The following CREBRF variants were observed in gnomAD, a reference collection of about 807,000 sequenced individuals.
The protein encoded by CREBRF is CREB3 regulatory factor.
Under a neutral mutation model 66.1 loss-of-function variants are expected in CREBRF, and 5 were observed. The ratio of observed to expected loss-of-function variants is 0.08; its 90% CI spans 0.04 to 0.16. CREBRF has a LOEUF of 0.16. Among genes scored for constraint, CREBRF ranks in the 10% least tolerant of loss-of-function variants. The probability of loss-of-function intolerance (pLI) is 1.00; values close to 1 mark genes in which losing one functional copy is unlikely to be tolerated. For missense variants in CREBRF, 531 were observed against 744.9 expected (o/e 0.71, Z 3.34); for synonymous variants, 229 against 264.4 (o/e 0.87, Z 1.30).
Position 173,090,773 on chromosome 5 carries a change from A to C in CREBRF, c.594A>C (p.Ser198=). Residue 198 remains serine (S), a synonymous_variant, in exon 4 of 9, where the codon TCA becomes TCC. Transcript: ENST00000296953. This position sits in a 1 kb window ranked among gnomAD's most constrained non-coding sequence, Gnocchi z 4.5. ...CTCTGCAGGCTGAGGTCCCTTTGTCAGACTGTGTCCAAAAAGCAAGTAAAC... is the reference window on the plus strand; with the variant it reads ...CTCTGCAGGCTGAGGTCCCTTTGTCCGACTGTGTCCAAAAAGCAAGTAAAC... ...SKTLQAEVPL[S]DCVQKASKPT... The C allele has an allele frequency of 1.2e-6, 2 of 1,614,178 alleles. No homozygotes were observed.
intron 6 of CREBRF, among the ~76,000 whole-genome samples, 169 bp downstream of exon 6, chr5:173,110,880 T>C (rs1235294714): frequency 6.6e-6 from 1 of 152,240 alleles, no homozygotes; most frequent in Non-Finnish European, 1.5e-5. Flanking sequence ...ATTTTTGTTT[T>C]ATGGAAAAAG....
chr5:173,107,817 ATT>A (rs559120882), intron 4 of CREBRF, among the ~76,000 whole-genome samples: 80 of 121,810 alleles, frequency 6.6e-4, no homozygotes, highest in Admixed American at 6.1e-4. Flanking sequence ...TCTCTACAAA[ATT>A]TTTTTTTTTT....
At chr5:173,110,789 GACA>G in intron 6 of CREBRF, 78 bp downstream of exon 6, 1 of 963,568 alleles carries the variant, frequency 1.0e-6, no homozygotes, top group Non-Finnish European at 1.5e-6. Context: ...TTTATAGAAG[GACA>G]ACAAAGAAAT....
intron 1 of CREBRF, among the ~76,000 whole-genome samples, chr5:173,058,196 A>G (rs1757133879): frequency 6.6e-6 from 1 of 152,180 alleles, no homozygotes; most frequent in South Asian, 2.1e-4. Context: ...ATAATTCGAA[A>G]ATAACTTATT....
chr5:173,132,750 C>A (rs1035434786), intron 8 of CREBRF, among the ~76,000 whole-genome samples: 1 of 149,258 alleles, frequency 6.7e-6, no homozygotes, highest in Non-Finnish European at 1.5e-5. Flanking sequence ...TAGACATGTG[C>A]CACCACACCT....
chr5:173,060,512 TGAGC>T (rs1168443634), intron 1 of CREBRF: 1 of 152,204 alleles, frequency 6.6e-6, no homozygotes, highest in Non-Finnish European at 1.5e-5. Flanking sequence ...ATTACAGGTA[TGAGC>T]CACCGTGCCC....
intron 1 of CREBRF, among the ~76,000 whole-genome samples, chr5:173,061,602 G>T (rs994374385): frequency 1.3e-5 from 2 of 152,192 alleles, no homozygotes; most frequent in Non-Finnish European, 2.9e-5. Flanking sequence ...AAGCTGTATA[G>T]CTGTTTCAAG....
chr5:173,122,965 A>T (rs1759176452), intron 7 of CREBRF, 115 bp from the exon 8 acceptor site: 2 of 927,170 alleles, frequency 2.2e-6, no homozygotes, highest in Non-Finnish European at 3.2e-6. Flanking sequence ...TCCATGGTGT[A>T]TATGTGCCAC....
chr5:173,087,048 G>A (rs953840577), intron 3 of CREBRF, among the ~76,000 whole-genome samples: 1 of 151,346 alleles, frequency 6.6e-6, no homozygotes, highest in Non-Finnish European at 1.5e-5. Context: ...CTGGGTTTAA[G>A]CTATTCTTCT....
At chr5:173,104,354 A>G (rs1453802998) in intron 4 of CREBRF, among the ~76,000 whole-genome samples, 2 of 151,700 alleles carry the variant, frequency 1.3e-5, no homozygotes. Context: ...AATTTTTTTC[A>G]TTCTGTTTGA....
At chr5:173,104,738 AGAGT>A (rs902842971) in intron 4 of CREBRF, among the ~76,000 whole-genome samples, 4 of 150,036 alleles carry the variant, frequency 2.7e-5, no homozygotes, top group African/African-American at 2.5e-5. Context: ...AGAGAGAGAG[AGAGT>A]GTGTGTGTGT....
intron 1 of CREBRF, among the ~76,000 whole-genome samples, chr5:173,063,176 C>T (rs1554122300): frequency 6.6e-6 from 1 of 152,162 alleles, no homozygotes; most frequent in Non-Finnish European, 1.5e-5. Flanking sequence ...CAATTTATGA[C>T]CTTTCCTCCA....
At chr5:173,060,998 A>G (rs907622744) in intron 1 of CREBRF, among the ~76,000 whole-genome samples, 2 of 152,084 alleles carry the variant, frequency 1.3e-5, no homozygotes, top group African/African-American at 4.8e-5. Flanking sequence ...GACAGAGTCT[A>G]GTTCTGTCCC....
At chr5:173,109,508 G>T (rs1171689962) in intron 5 of CREBRF, 1 of 144,902 alleles carries the variant, frequency 6.9e-6, no homozygotes, top group Non-Finnish European at 1.5e-5. Context: ...GTCTTAGGTA[G>T]GTCAAATTTT....
Position 173,090,600 on chromosome 5 carries a change from C to A in CREBRF, c.421C>A (p.Gln141Lys). 6.2e-7 allele frequency: 1 copy of A among 1,614,102 alleles called. No homozygotes were observed. The highest frequency in any genetic ancestry group is 1.1e-5 in the South Asian group (1 of 91,048). The change falls in exon 4 of 9, where the codon CAA (glutamine) becomes AAA (lysine). Residue 141 changes from glutamine (Q) to lysine (K), a missense_variant. Coordinates refer to ENST00000296953, the MANE Select transcript of CREBRF (RefSeq NM_153607.3). This position sits in a 1 kb window ranked among gnomAD's most constrained non-coding sequence, Gnocchi z 4.5. ...EVISKTPTLA[Q>K]LNSEDSQSVS... ...TATAAGTAAAACTCCAACTTTAGCTCAACTTAATAGTGAGGACTCACAGTC... is the reference window on the plus strand; with the variant it reads ...TATAAGTAAAACTCCAACTTTAGCTAAACTTAATAGTGAGGACTCACAGTC...
chr5:173,131,937 T>G (rs1759437704), intron 8 of CREBRF, among the ~76,000 whole-genome samples: 1 of 151,668 alleles, frequency 6.6e-6, no homozygotes, highest in Non-Finnish European at 1.5e-5. Context: ...TTCAACTTGT[T>G]GGCCAGGCTG....
rs1362214731 is a variant in CREBRF at position 173,135,726 on chromosome 5, C to T, written c.*1981C>T. On this transcript the variant is annotated 3_prime_UTR_variant, in exon 9 of 9. Coordinates refer to ENST00000296953, the MANE Select transcript of CREBRF (RefSeq NM_153607.3). ...ATAGCATATGAAGCTATATATATAG[C>T]TTGTGAAGGTTTGATCTAGAACACC... is the stretch of plus-strand genomic sequence containing the variant. The T allele has an allele frequency of 1.3e-5, 2 of 152,148 alleles. No individual in the cohort carries two copies. The highest frequency in any genetic ancestry group is 6.6e-5 in the Admixed American group (1 of 15,252). 9.4% of individuals were successfully genotyped at this position (152,148 alleles called of 1,614,324 possible).
chr5:173,116,081 T>A (rs1434232117), intron 7 of CREBRF, among the ~76,000 whole-genome samples: 1 of 152,192 alleles, frequency 6.6e-6, no homozygotes, highest in Non-Finnish European at 1.5e-5. Flanking sequence ...GGAGGATTGT[T>A]TGAGACTAGC....
At chr5:173,062,905 G>A (rs1013883547) in intron 1 of CREBRF, among the ~76,000 whole-genome samples, 40 of 151,630 alleles carry the variant, frequency 2.6e-4, no homozygotes, top group African/African-American at 8.5e-4. Flanking sequence ...CCGCCACTAC[G>A]CCCGGCTAAT....
Sources: allele counts gnomAD v4.1 joint callset (sites outside exome capture counted in the v4.1 genomes callset), GRCh38; gene constraint gnomAD v4.1.1; non-coding constraint Gnocchi (gnomAD v3.1); transcripts MANE v1.5; gene names NCBI Gene and HGNC (gene_info 2026-07-23, HGNC 2026-07-21).